The following BDP1 variants were observed in gnomAD, a reference collection of about 807,000 sequenced individuals.
BDP1 encodes BDP1 general transcription factor IIIB subunit.
Under a neutral mutation model 266.6 loss-of-function variants are expected in BDP1, and 169 were observed. That is an observed-to-expected ratio of 0.63 (90% CI 0.56 to 0.72). The LOEUF (loss-of-function observed/expected upper bound fraction) is 0.72, where lower values mean the gene tolerates loss of function less well. Among genes scored for constraint, BDP1 ranks in the 30% least tolerant of loss-of-function variants. BDP1 has a pLI of 0.00. For synonymous variants in BDP1, 1,090 were observed against 1,022.4 expected (o/e 1.07, Z -1.26); for missense variants, 3,015 against 3,053.8 (o/e 0.99, Z 0.30).
At chr5:71,534,035 T>TTC (rs1239051315) in intron 26 of BDP1, among the ~76,000 whole-genome samples, 13 of 152,186 alleles carry the variant, frequency 8.5e-5, no homozygotes, top group Admixed American at 8.5e-4. Context: ...TTTCCTCCCT[T>TTC]TCTGTGGGGT....
intron 6 of BDP1, 93 bp from the exon 7 acceptor site, chr5:71,470,302 A>G (rs1561675557): frequency 1.1e-6 from 1 of 922,366 alleles, no homozygotes; most frequent in Non-Finnish European, 1.7e-6. Context: ...TCTTTCTAGT[A>G]AAATTAAGTA....
At chr5:71,539,016 A>G (rs1415173281) in intron 26 of BDP1, 26 bp from the exon 27 acceptor site, 1 of 1,502,818 alleles carries the variant, frequency 6.7e-7, no homozygotes, top group Admixed American at 1.7e-5. Flanking sequence ...GTATTTTAAG[A>G]TGTTACTTAT....
At chr5:71,489,873 A>G (rs1046344678) in intron 10 of BDP1, among the ~76,000 whole-genome samples, 191 bp downstream of exon 10, 1 of 152,192 alleles carries the variant, frequency 6.6e-6, no homozygotes, top group African/African-American at 2.4e-5. Context: ...TAAACAAATT[A>G]AAGTGGGGAG....
chr5:71,574,986 C>T, the BDP1 span, among the ~76,000 whole-genome samples: 2 of 152,200 alleles, frequency 1.3e-5, no homozygotes, highest in Admixed American at 6.5e-5. Flanking sequence ...TTAACTTCTG[C>T]ATACTTACTG....
chr5:71,534,865 T>C (rs550524614), intron 26 of BDP1, among the ~76,000 whole-genome samples: 11 of 152,182 alleles, frequency 7.2e-5, no homozygotes, highest in Non-Finnish European at 1.2e-4. Flanking sequence ...GGTCTCGAAC[T>C]CCTGATCTCA....
At chr5:71,461,064 C>T (rs1484120990) in intron 2 of BDP1, among the ~76,000 whole-genome samples, 2 of 152,200 alleles carry the variant, frequency 1.3e-5, no homozygotes, top group Non-Finnish European at 2.9e-5. Context: ...ACTGCAGCCT[C>T]AACCTCCCAG....
intron 7 of BDP1, among the ~76,000 whole-genome samples, chr5:71,480,135 G>A (rs1364851156): frequency 6.3e-5 from 9 of 143,162 alleles, no homozygotes; most frequent in East Asian, 6.2e-4. Flanking sequence ...ATTTTGAGAC[G>A]GAGTCTCACT....
chr5:71,522,418 T>A lies in BDP1; in HGVS notation c.5121T>A (p.Asp1707Glu), dbSNP rs756593015. ...CAGTTTTAGAAAAAGTCACAACAGA[T>A]CAGAGCAAGGAAGGCAAGCCAGAAG... ...EEPVLEKVTTDQSKEGKPEDH... is the reference protein window; with the variant it reads ...EEPVLEKVTTEQSKEGKPEDH... Residue 1707 changes from aspartate to glutamate, a missense_variant, in exon 23 of 39, where the codon GAT becomes GAA. Physicochemically the swap from Asp to Glu is conservative, Grantham distance 45. Transcript: ENST00000358731. 6.2e-7 allele frequency: 1 copy of A among 1,612,004 alleles called. No individual in the cohort carries two copies. The highest frequency in any genetic ancestry group is 8.5e-7 in the Non-Finnish European group (1 of 1,179,698).
chr5:71,570,843 T>A (rs770061030), downstream of BDP1, among the ~76,000 whole-genome samples: 17 of 152,104 alleles, frequency 1.1e-4, 1 homozygote, highest in Admixed American at 1.1e-3. Context: ...AAGAAAAGAG[T>A]GTCCTCCAGG....
intron 35 of BDP1, among the ~76,000 whole-genome samples, chr5:71,556,099 A>G (rs1301470487): frequency 6.6e-6 from 1 of 152,032 alleles, no homozygotes; most frequent in Admixed American, 6.6e-5. Flanking sequence ...GGTTACCCCT[A>G]TGAGTTTTAT....
intron 1 of BDP1, among the ~76,000 whole-genome samples, chr5:71,457,057 T>A (rs1761233642): frequency 6.6e-6 from 1 of 152,136 alleles, no homozygotes; most frequent in Non-Finnish European, 1.5e-5. Flanking sequence ...CATGAATCTG[T>A]TTCAAAATTT....
intron 13 of BDP1, among the ~76,000 whole-genome samples, chr5:71,501,096 CAAAAA>C: frequency 7.4e-6 from 1 of 135,904 alleles, no homozygotes; most frequent in African/African-American, 2.8e-5. Flanking sequence ...GACCCTGTCT[CAAAAA>C]AAAAAAAAAA....
At chr5:71,524,435 C>T in intron 25 of BDP1, 112 bp downstream of exon 25, 1 of 1,166,370 alleles carries the variant, frequency 8.6e-7, no homozygotes, top group Non-Finnish European at 1.2e-6. Context: ...TTGAAGAGTT[C>T]ATTCTCTAAA....
the BDP1 span, among the ~76,000 whole-genome samples, chr5:71,575,892 T>C: frequency 6.6e-6 from 1 of 152,202 alleles, no homozygotes; most frequent in Non-Finnish European, 1.5e-5. Flanking sequence ...AGATCAAATA[T>C]TGCATCAATT....
intron 35 of BDP1, among the ~76,000 whole-genome samples, chr5:71,556,392 G>C (rs1197522630): frequency 6.6e-6 from 1 of 151,792 alleles, no homozygotes; most frequent in Non-Finnish European, 1.5e-5. Context: ...TGTTTATTAT[G>C]TGGGATGCTA....
rs779409428 is a variant in BDP1 at position 71,461,907 on chromosome 5, C to T, written c.580C>T (p.Pro194Ser). Residue 194 changes from proline (P) to serine (S), a missense_variant, in exon 3 of 39, where the codon CCA becomes TCA. Pro to Ser is a moderately conservative substitution (Grantham distance 74). This residue lies in a region of BDP1 where 2,383 missense variants were observed against 2,404.9 expected (regional missense o/e 0.99). Coordinates refer to ENST00000358731, the MANE Select transcript of BDP1 (RefSeq NM_018429.3). ...TATGAGAGACTTCATATATTATCTA[C>T]CAGATAATAATCCAATGACGTAAGT... ...MTMRDFIYYL[P>S]DNNPMTSSLE... is the part of the protein sequence containing the mutation. 3.3e-6 allele frequency: 5 copies of T among 1,515,890 alleles called. No individual in the cohort carries two copies. The highest frequency in any genetic ancestry group is 4.6e-6 in the Non-Finnish European group (5 of 1,096,944). The allele number at this position is 1,515,890 out of a possible 1,614,324, so 93.9% of individuals were successfully genotyped here. A position where few individuals can be genotyped will look rare whatever the true frequency, so the allele number is the denominator to read the frequency against.
rs1446569235 is a variant in BDP1 at position 71,510,253 on chromosome 5, T to C, written c.3161T>C (p.Val1054Ala). The C allele has an allele frequency of 1.1e-5, 17 of 1,609,948 alleles. No individual in the cohort carries two copies. The highest frequency in any genetic ancestry group is 1.4e-5 in the Non-Finnish European group (16 of 1,179,262). ...CCACAGGAAAATGGACTAGAGGAGG[T>C]CAAGCCTCTAGGTGAAATGGAGACG... ...VSPQENGLEE[V>A]KPLGEMETDL... Residue 1054 changes from valine (V) to alanine (A), a missense_variant, in exon 17 of 39, where the codon GTC (valine) becomes GCC (alanine). Physicochemically the swap from Val to Ala is moderately conservative, Grantham distance 64. Transcript: ENST00000358731.
intron 15 of BDP1, among the ~76,000 whole-genome samples, chr5:71,503,948 G>A (rs908774992): frequency 4.0e-5 from 6 of 151,604 alleles, no homozygotes; most frequent in Middle Eastern, 3.4e-3. Context: ...GCACTCTAGC[G>A]TGGGTGACAG....
chr5:71,532,404 G>T lies in BDP1; in HGVS notation c.5869G>T (p.Glu1957Ter). Residue 1957 changes from glutamate to a stop codon, truncating the protein, a stop_gained, in exon 26 of 39, where the codon GAA (glutamate) becomes TAA (stop). Transcript: ENST00000358731. LOFTEE classifies it high-confidence loss of function. ...TGTGACTACTGAAGAAATGAAACAA[G>T]AAGAAAATTTGAGTGTACCGTTTGT... The part of the protein sequence containing the change: ...TDVTTEEMKQ[E>*]ENLSVPFEMT... 1 of 1,613,536 alleles carries T rather than the reference G, an allele frequency of 6.2e-7. No homozygotes were observed. The highest frequency in any genetic ancestry group is 8.5e-7 in the Non-Finnish European group (1 of 1,179,690).
Sources: gnomAD v4.1 joint callset for allele counts (sites outside exome capture counted in the v4.1 genomes callset) on GRCh38, gnomAD v4.1.1 for gene constraint, gnomAD v4.1.1 regional missense constraint, MANE v1.5 for transcripts, NCBI Gene and HGNC (gene_info 2026-07-23, HGNC 2026-07-21) for gene names.